CDH4: variants seen among roughly 807,000 people sequenced by gnomAD.
CDH4 encodes the protein cadherin 4, also known as cadherin-4.
In CDH4, 33 loss-of-function variants were observed where a neutral mutation model predicts 86.0. The observed-to-expected ratio is 0.38, with a 90% CI of 0.29 to 0.51. The LOEUF (loss-of-function observed/expected upper bound fraction) is 0.51. Among genes scored for constraint, CDH4 ranks in the 20% least tolerant of loss-of-function variants. CDH4 has a pLI of 0.86. For synonymous variants in CDH4, 555 were observed against 549.4 expected (o/e 1.01, Z -0.14); for missense variants, 1,114 against 1,307.4 (o/e 0.85, Z 2.28).
At chr20:61,723,547 C>T (rs1385095731) in intron 2 of CDH4, among the ~76,000 whole-genome samples, 3 of 152,208 alleles carry the variant, frequency 2.0e-5, no homozygotes, top group Non-Finnish European at 4.4e-5. Flanking sequence ...GAGCTTCCAT[C>T]CTCACTTTAC....
intron 2 of CDH4, among the ~76,000 whole-genome samples, chr20:61,496,330 G>A (rs1347263155): frequency 6.6e-6 from 1 of 151,464 alleles, no homozygotes; most frequent in Non-Finnish European, 1.5e-5. Flanking sequence ...TGAACCAGGA[G>A]GAAGTTGAGG....
intron 2 of CDH4, among the ~76,000 whole-genome samples, chr20:61,668,905 G>A (rs1600857538): frequency 6.6e-6 from 1 of 152,198 alleles, no homozygotes; most frequent in Non-Finnish European, 1.5e-5. Context: ...ACCAGCACCC[G>A]CCTGTTCTCA....
chr20:61,628,929 C>T (rs999686882), intron 2 of CDH4, among the ~76,000 whole-genome samples: 1 of 152,246 alleles, frequency 6.6e-6, no homozygotes, highest in African/African-American at 2.4e-5. Context: ...CATATCTCAT[C>T]ACCATCCCTG....
At chr20:61,281,039 G>A (rs1165439015) in intron 2 of CDH4, among the ~76,000 whole-genome samples, 1 of 152,254 alleles carries the variant, frequency 6.6e-6, no homozygotes, top group East Asian at 1.9e-4. Flanking sequence ...AAGGAAACTA[G>A]GAGGGACATA....
chr20:61,651,095 C>T (rs1405585419), intron 2 of CDH4, among the ~76,000 whole-genome samples: 1 of 152,050 alleles, frequency 6.6e-6, no homozygotes, highest in East Asian at 1.9e-4. Flanking sequence ...CACTGGTGTG[C>T]TCGTGTCAGT....
At chr20:61,619,456 C>T (rs543542641) in intron 2 of CDH4, among the ~76,000 whole-genome samples, 98 of 152,242 alleles carry the variant, frequency 6.4e-4, no homozygotes, top group African/African-American at 2.2e-3. Flanking sequence ...CTAAACTATA[C>T]CTAAAAGCAA....
intron 2 of CDH4, among the ~76,000 whole-genome samples, chr20:61,648,286 G>C (rs933605791): frequency 6.6e-6 from 1 of 152,216 alleles, no homozygotes. Flanking sequence ...GAGGAAGAAG[G>C]GTCAGCCCGG....
chr20:61,745,911 T>G (rs1289134037), intron 3 of CDH4, among the ~76,000 whole-genome samples: 1 of 152,230 alleles, frequency 6.6e-6, no homozygotes, highest in Non-Finnish European at 1.5e-5. Context: ...ATTTCAGATT[T>G]AATCCCCTGA....
At chr20:61,817,592 G>A (rs999485734) in intron 4 of CDH4, among the ~76,000 whole-genome samples, 12 of 151,930 alleles carry the variant, frequency 7.9e-5, no homozygotes, top group Non-Finnish European at 1.5e-4. Context: ...CCTGTCCTGC[G>A]CACTTTGTCA....
intron 7 of CDH4, among the ~76,000 whole-genome samples, chr20:61,885,004 G>A (rs185448314): frequency 1.3e-5 from 2 of 152,226 alleles, no homozygotes; most frequent in Admixed American, 6.5e-5. Flanking sequence ...GCCCAGCACA[G>A]AATCTGGCCA....
chr20:61,444,699 G>C (rs1466651706), intron 2 of CDH4, among the ~76,000 whole-genome samples: 1 of 149,832 alleles, frequency 6.7e-6, no homozygotes, highest in Non-Finnish European at 1.5e-5. Flanking sequence ...GTATACATCT[G>C]TGTCTGTGTG....
At chr20:61,834,901 C>T (rs904061458) in intron 4 of CDH4, among the ~76,000 whole-genome samples, 5 of 152,228 alleles carry the variant, frequency 3.3e-5, no homozygotes, top group Non-Finnish European at 7.3e-5. Flanking sequence ...GCTCCTTGGA[C>T]GCCTCACATC....
At chr20:61,565,689 C>T (rs1265066881) in intron 2 of CDH4, among the ~76,000 whole-genome samples, 1 of 152,118 alleles carries the variant, frequency 6.6e-6, no homozygotes, top group Non-Finnish European at 1.5e-5. Context: ...TGATTGCTCA[C>T]CCCTGAGAAC....
intron 3 of CDH4, among the ~76,000 whole-genome samples, chr20:61,752,415 C>T (rs1219597717): frequency 6.6e-6 from 1 of 150,550 alleles, no homozygotes. Context: ...TGGGAAAGGA[C>T]ATTTGCAGCA....
chr20:61,491,200 C>A (rs1464674435), intron 2 of CDH4, among the ~76,000 whole-genome samples: 1 of 152,120 alleles, frequency 6.6e-6, no homozygotes, highest in African/African-American at 2.4e-5. Context: ...GTGGATAAGC[C>A]CAAAGATAGC....
chr20:61,795,095 A>G (rs56282626), intron 4 of CDH4, among the ~76,000 whole-genome samples: 82,089 of 103,126 alleles, frequency 0.8, 30,637 homozygotes, highest in African/African-American at 0.87. Flanking sequence ...TGTTGATGGT[A>G]ATGATGGTGA....
chr20:61,257,060 T>TTA (rs2084102655), intron 2 of CDH4, among the ~76,000 whole-genome samples: 1 of 152,222 alleles, frequency 6.6e-6, no homozygotes, highest in African/African-American at 2.4e-5. Context: ...AAGTGTGGTG[T>TTA]TTCTGTTATT....
At chr20:61,697,584 C>T (rs1273871742) in intron 2 of CDH4, among the ~76,000 whole-genome samples, 1 of 152,146 alleles carries the variant, frequency 6.6e-6, no homozygotes, top group Admixed American at 6.5e-5. Context: ...GGCGACAGAG[C>T]AAGACTCCAT....
At chr20:61,819,599 C>G (rs928723785) in intron 4 of CDH4, among the ~76,000 whole-genome samples, 4 of 152,202 alleles carry the variant, frequency 2.6e-5, no homozygotes, top group Admixed American at 6.5e-5. Context: ...TGATTTAGTA[C>G]TTGTGTACAC....
Sources: gnomAD v4.1 joint callset for allele counts (sites outside exome capture counted in the v4.1 genomes callset) on GRCh38, gnomAD v4.1.1 for gene constraint, MANE v1.5 for transcripts, NCBI Gene and HGNC (gene_info 2026-07-23, HGNC 2026-07-21) for gene names.